The following ATP9B variants were observed in gnomAD, a reference collection of about 807,000 sequenced individuals.
ATP9B encodes the protein ATPase phospholipid transporting 9B.
Under a neutral mutation model 146.1 loss-of-function variants are expected in ATP9B, and 110 were observed. The observed-to-expected ratio is 0.75, with a 90% CI of 0.65 to 0.88. The LOEUF (loss-of-function observed/expected upper bound fraction) is 0.88, where lower values mean the gene tolerates loss of function less well. ATP9B is among the 40% of genes least tolerant of loss of function. The probability of loss-of-function intolerance (pLI) is 0.00; values close to 1 mark genes in which losing one functional copy is unlikely to be tolerated. For missense variants in ATP9B, 1,499 were observed against 1,496.4 expected (o/e 1.00, Z -0.03); for synonymous variants, 604 against 569.7 (o/e 1.06, Z -0.86).
At chr18:79,203,003 A>G (rs895897151) in intron 9 of ATP9B, among the ~76,000 whole-genome samples, 5 of 152,266 alleles carry the variant, frequency 3.3e-5, no homozygotes, top group Admixed American at 6.5e-5. Flanking sequence ...ACATGCATCA[A>G]TAATTAAACT....
At chr18:79,152,994 C>T (rs987249930) in intron 6 of ATP9B, among the ~76,000 whole-genome samples, 6 of 152,036 alleles carry the variant, frequency 3.9e-5, no homozygotes, top group South Asian at 2.1e-4. Flanking sequence ...TTTCTCTCAA[C>T]GATATTTTAT....
intron 13 of ATP9B, among the ~76,000 whole-genome samples, chr18:79,295,807 G>A (rs930250278): frequency 2.0e-5 from 3 of 152,100 alleles, no homozygotes; most frequent in African/African-American, 7.2e-5. Flanking sequence ...AAGGTCCTAG[G>A]GAGGCAGATT....
intron 2 of ATP9B, among the ~76,000 whole-genome samples, chr18:79,106,092 A>G (rs1484434146): frequency 6.6e-6 from 1 of 152,204 alleles, no homozygotes; most frequent in African/African-American, 2.4e-5. Context: ...TAATCCTAAA[A>G]CATTTTAAGA....
At chr18:79,147,499 G>C (rs527338601) in intron 6 of ATP9B, among the ~76,000 whole-genome samples, 5 of 152,228 alleles carry the variant, frequency 3.3e-5, no homozygotes, top group Admixed American at 3.3e-4. Flanking sequence ...TTCTCTCACT[G>C]TAATAGAATT....
chr18:79,266,169 C>T (rs1361813172), intron 12 of ATP9B, among the ~76,000 whole-genome samples: 1 of 151,998 alleles, frequency 6.6e-6, no homozygotes, highest in Admixed American at 6.6e-5. Flanking sequence ...TTTAGGTCTT[C>T]TCTAAAATAA....
At chr18:79,373,051 CTT>C (rs5826630) in intron 27 of ATP9B, among the ~76,000 whole-genome samples, 169 bp downstream of exon 27, 66 of 149,366 alleles carry the variant, frequency 4.4e-4, no homozygotes, top group Middle Eastern at 3.5e-3. Context: ...AACATGGGTC[CTT>C]TTTTTTTTTT....
intron 5 of ATP9B, among the ~76,000 whole-genome samples, chr18:79,139,689 T>TA (rs1181141963): frequency 1.3e-5 from 2 of 152,224 alleles, no homozygotes; most frequent in Non-Finnish European, 2.9e-5. Context: ...ACAGTCCACT[T>TA]ACACTCTTTT....
At chr18:79,348,226 T>A in intron 25 of ATP9B, 30 bp downstream of exon 25, 2 of 1,057,350 alleles carry the variant, frequency 1.9e-6, no homozygotes, top group Non-Finnish European at 2.8e-6. Context: ...TGCCAGCTCA[T>A]CCAGGGGAGG....
intron 13 of ATP9B, among the ~76,000 whole-genome samples, chr18:79,286,497 A>C (rs1374979787): frequency 1.3e-5 from 2 of 152,204 alleles, no homozygotes; most frequent in African/African-American, 2.4e-5. Flanking sequence ...GAAGTTGCTT[A>C]TCAGTTTAAG....
chr18:79,093,366 C>T (rs1196931438), intron 1 of ATP9B, among the ~76,000 whole-genome samples: 1 of 152,142 alleles, frequency 6.6e-6, no homozygotes, highest in African/African-American at 2.4e-5. Context: ...ACATCAAGTT[C>T]CACTGTGCTT....
intron 7 of ATP9B, among the ~76,000 whole-genome samples, chr18:79,171,878 G>C (rs981461341): frequency 6.8e-6 from 1 of 146,632 alleles, no homozygotes; most frequent in Non-Finnish European, 1.5e-5. Context: ...TCGGAGACTC[G>C]TTTTTTTTTG....
At chr18:79,367,274 T>C (rs200919194) in intron 26 of ATP9B, among the ~76,000 whole-genome samples, 56 of 77,458 alleles carry the variant, frequency 7.2e-4, no homozygotes, top group East Asian at 1.0e-3. Flanking sequence ...GCAGAGAAAG[T>C]GCCTCCTCAA....
chr18:79,181,709 A>G (rs1316603874), intron 8 of ATP9B, among the ~76,000 whole-genome samples: 1 of 151,924 alleles, frequency 6.6e-6, no homozygotes, highest in African/African-American at 2.4e-5. Flanking sequence ...CCACCCAATG[A>G]ATTTTGTTAT....
intron 7 of ATP9B, among the ~76,000 whole-genome samples, chr18:79,166,844 G>C (rs1238987163): frequency 6.6e-6 from 1 of 152,154 alleles, no homozygotes. Flanking sequence ...AGCTTGTGCT[G>C]CCGGCCCGGA....
chr18:79,110,361 T>C lies in ATP9B; in HGVS notation c.300T>C (p.Cys100=). Reference sequence around the variant, plus strand: ...TATCTTTTGTTTCATACAGTTGCTGTGGTTGGCTGATAAATATTTGTCGAA... The same window carrying C: ...TATCTTTTGTTTCATACAGTTGCTGCGGTTGGCTGATAAATATTTGTCGAA... ...DGWKFLCTSC[C]GWLINICRRK... The change falls in exon 3 of 30, where the codon TGT becomes TGC. Residue 100 remains cysteine (C), a synonymous_variant. Coordinates refer to ENST00000426216, the MANE Select transcript of ATP9B (RefSeq NM_198531.5). 1 of 1,599,810 alleles carries C rather than the reference T, an allele frequency of 6.3e-7. No homozygotes were observed. The highest frequency in any genetic ancestry group is 8.5e-7 in the Non-Finnish European group (1 of 1,172,982).
At chr18:79,227,152 T>C (rs1201227032) in intron 11 of ATP9B, among the ~76,000 whole-genome samples, 1 of 152,186 alleles carries the variant, frequency 6.6e-6, no homozygotes, top group Non-Finnish European at 1.5e-5. Flanking sequence ...CTCTCTGTCG[T>C]ACTATCATGA....
chr18:79,375,879 A>C (rs969103100), intron 29 of ATP9B: 2 of 985,316 alleles, frequency 2.0e-6, no homozygotes, highest in Admixed American at 6.2e-5. Context: ...ATCCGGCAAC[A>C]GTCTAAAGGG....
chr18:79,104,663 T>C (rs1038874987), intron 2 of ATP9B, among the ~76,000 whole-genome samples: 2 of 152,180 alleles, frequency 1.3e-5, no homozygotes, highest in African/African-American at 2.4e-5. Context: ...CTTGAAAATA[T>C]AGATGGTAGC....
At chr18:79,083,971 A>T (rs2073546185) in intron 1 of ATP9B, among the ~76,000 whole-genome samples, 1 of 149,796 alleles carries the variant, frequency 6.7e-6, no homozygotes, top group Non-Finnish European at 1.5e-5. Flanking sequence ...CGACTCCCCT[A>T]CCTTAGCCTC....
Sources: gnomAD v4.1 joint callset for allele counts (sites outside exome capture counted in the v4.1 genomes callset) on GRCh38, gnomAD v4.1.1 for gene constraint, MANE v1.5 for transcripts, NCBI Gene and HGNC (gene_info 2026-07-23, HGNC 2026-07-21) for gene names.